The following ENO4 variants were observed in gnomAD, a reference collection of about 807,000 sequenced individuals.
The protein encoded by ENO4 is 2-phospho-D-glycerate hydro-lyase.
ENO4 carries 53 observed loss-of-function variants against 63.2 expected under a neutral mutation model. The observed-to-expected ratio is 0.84, with a 90% CI of 0.67 to 1.05. The LOEUF is 1.05. ENO4 is among the 50% of genes least tolerant of loss of function. ENO4 has a pLI of 0.00. For synonymous variants in ENO4, 266 were observed against 283.8 expected, an observed-to-expected ratio of 0.94 and a Z score of 0.63; for missense variants, 719 against 772.0, an observed-to-expected ratio of 0.93 and a Z score of 0.81.
chr10:116,869,267 T>C (rs931140484), intron 8 of ENO4, among the ~76,000 whole-genome samples: 9 of 152,204 alleles, frequency 5.9e-5, no homozygotes, highest in African/African-American at 9.6e-5. Flanking sequence ...GTCAGTCACG[T>C]TGGTGATTGT....
At chr10:116,853,602 T>C (rs956498077) in intron 1 of ENO4, among the ~76,000 whole-genome samples, 1 of 152,186 alleles carries the variant, frequency 6.6e-6, no homozygotes, top group African/African-American at 2.4e-5. Flanking sequence ...TTAGTTCCTT[T>C]CCTCTCCTAA....
chr10:116,900,404 T>C (rs1361282385), intron 10 of ENO4: 1 of 768,178 alleles, frequency 1.3e-6, no homozygotes, highest in African/African-American at 1.7e-5. Flanking sequence ...TCACTGTCAA[T>C]TCAACACATA....
At chr10:116,862,777 A>G (rs1414228851) in intron 6 of ENO4, 22 bp from the exon 7 acceptor site, 2 of 1,544,298 alleles carry the variant, frequency 1.3e-6, no homozygotes, top group South Asian at 2.4e-5. Context: ...ACTGTGGAAG[A>G]TCATGGTTGT....
At chr10:116,896,626 T>C (rs971793569) in intron 10 of ENO4, among the ~76,000 whole-genome samples, 2 of 152,168 alleles carry the variant, frequency 1.3e-5, no homozygotes, top group Admixed American at 6.5e-5. Flanking sequence ...TTGAATATAG[T>C]GGTGATTAAA....
chr10:116,886,712 T>C, downstream of ENO4: 1 of 1,113,626 alleles, frequency 9.0e-7, no homozygotes, highest in Non-Finnish European at 1.3e-6. Context: ...ATGCCAGCCA[T>C]TTAAAAGAAA....
chr10:116,908,686 GTACA>G lies in ENO4; in HGVS notation c.1195-2797_1195-2794del, dbSNP rs555226880. ...TCAAGGAAAACTTATGTGTGTGTTC[GTACA>G]TACATACATACATACCTTTCAAGGA... On this transcript the variant is annotated intron_variant, in intron 10 of 10. Transcript: ENST00000369207. Among the ~76,000 whole-genome samples, 823 of 152,176 alleles carry G rather than the reference GTACA, an allele frequency of 5.4e-3. 4 individuals carry two copies. Among genetic ancestry groups the G allele is most frequent in the African/African-American group, 0.019 (780 of 41,528 alleles).
At chr10:116,887,818 T>C (rs1197328288) in intron 10 of ENO4, among the ~76,000 whole-genome samples, 1 of 152,146 alleles carries the variant, frequency 6.6e-6, no homozygotes, top group East Asian at 1.9e-4. Context: ...ACTAATAAAC[T>C]GAAGGGTTCA....
chr10:116,900,672 T>C, intron 10 of ENO4: 1 of 1,478,118 alleles, frequency 6.8e-7, no homozygotes, highest in Non-Finnish European at 8.9e-7. Flanking sequence ...TGATGTCAAA[T>C]TAGGTGTTAA....
At position 116,891,220 on chromosome 10, in the gene ENO4, A is replaced by G. The variant is rs187016140; in HGVS notation, c.1194+11234A>G. 2.8e-3 allele frequency among the ~76,000 whole-genome samples: 429 copies of G among 152,380 alleles called. 2 individuals carry two copies. Among genetic ancestry groups the G allele is most frequent in the African/African-American group, 9.8e-3 (408 of 41,596 alleles). ...GGTGAGAGTTATTTTATAAAATGCT[A>G]CCTCTGAAAAGCTGATTGCCAAACA... is the stretch of plus-strand genomic sequence containing the variant. On this transcript the variant is annotated intron_variant, in intron 10 of 10. Coordinates refer to the ENO4 transcript ENST00000369207.
chr10:116,897,752 C>T (rs1428319438), intron 10 of ENO4, among the ~76,000 whole-genome samples: 2 of 152,140 alleles, frequency 1.3e-5, no homozygotes, highest in South Asian at 4.2e-4. Flanking sequence ...CCCAGGGTCA[C>T]AAATATCTAA....
intron 7 of ENO4, 45 bp from the exon 8 acceptor site, chr10:116,868,605 A>T: frequency 1.3e-6 from 2 of 1,517,956 alleles, no homozygotes; most frequent in Non-Finnish European, 1.8e-6. Flanking sequence ...TGCCACAGCC[A>T]TGCTAAAAAT....
Position 116,861,221 on chromosome 10 carries a change from T to TA in ENO4, c.936+47dup, listed in dbSNP as rs56177931. On this transcript the variant is annotated intron_variant, in intron 6 of 13. Transcript: ENST00000341276. ...TTACATTATCTTAAATTACCTTTTC[T>TA]AAAAAAAAAAAAAAAATATATATAT... is the stretch of plus-strand genomic sequence containing the variant. 605 of 295,764 alleles carry TA rather than the reference T, an allele frequency of 2.0e-3. 1 individual carries two copies. The highest frequency in any genetic ancestry group is 8.7e-3 in the African/African-American group (332 of 38,250). 18.3% of individuals were successfully genotyped at this position (295,764 alleles called of 1,614,324 possible). A position where few individuals can be genotyped will look rare whatever the true frequency, so the allele number is the denominator to read the frequency against.
At chr10:116,884,301 T>C, downstream of ENO4, 1 of 455,946 alleles carries the variant, frequency 2.2e-6, no homozygotes, top group South Asian at 1.6e-5. Flanking sequence ...AAAACCAAAG[T>C]GAAAAGGGAA....
chr10:116,875,688 G>A (rs1846814313), intron 10 of ENO4, among the ~76,000 whole-genome samples: 1 of 152,078 alleles, frequency 6.6e-6, no homozygotes, highest in South Asian at 2.1e-4. Flanking sequence ...GCCCTTGCAG[G>A]CTTTCTTTTT....
rs1847032802 is a variant in ENO4 at position 116,882,111 on chromosome 10, C to T, written c.*442C>T. The T allele has an allele frequency of 6.5e-6, 1 of 153,334 alleles. No individual in the cohort carries two copies. The highest frequency in any genetic ancestry group is 1.5e-5 in the Non-Finnish European group (1 of 68,862). 9.5% of individuals were successfully genotyped at this position (153,334 alleles called of 1,614,324 possible). On this transcript the variant is annotated 3_prime_UTR_variant, in exon 14 of 14. Transcript: ENST00000341276. ...ATGTCTGTGCTGAAAAGCACTGACACATTTTTGTAACCAACCTCACGTAGA... is the reference window on the plus strand; with the variant it reads ...ATGTCTGTGCTGAAAAGCACTGACATATTTTTGTAACCAACCTCACGTAGA...
At chr10:116,873,799 T>C in intron 9 of ENO4, 2 of 879,828 alleles carry the variant, frequency 2.3e-6, no homozygotes, top group Non-Finnish European at 2.7e-6. Context: ...ATTCCCCTCC[T>C]ACTCTGTAAT....
chr10:116,887,148 C>T (rs558084438), downstream of ENO4, among the ~76,000 whole-genome samples: 2 of 152,254 alleles, frequency 1.3e-5, no homozygotes, highest in Admixed American at 1.3e-4. Context: ...GAGAGAGAGC[C>T]AGAGTAGAAG....
At chr10:116,904,311 G>C (rs527623553) in intron 10 of ENO4, among the ~76,000 whole-genome samples, 1 of 152,206 alleles carries the variant, frequency 6.6e-6, no homozygotes, top group South Asian at 2.1e-4. Flanking sequence ...TCATTCCACA[G>C]CCTTTATAAA....
intron 10 of ENO4, among the ~76,000 whole-genome samples, chr10:116,895,908 A>G (rs923805640): frequency 6.6e-6 from 1 of 152,204 alleles, no homozygotes; most frequent in African/African-American, 2.4e-5. Flanking sequence ...AATAATAAAC[A>G]AAAGCACCTT....
Sources: gnomAD v4.1 joint callset for allele counts (sites outside exome capture counted in the v4.1 genomes callset) on GRCh38, gnomAD v4.1.1 for gene constraint, MANE v1.5 for transcripts, NCBI Gene and HGNC (gene_info 2026-07-23, HGNC 2026-07-21) for gene names.